The following APBB2 variants were observed in gnomAD, a reference collection of about 807,000 sequenced individuals.
APBB2 encodes amyloid beta precursor protein binding family B member 2, also known as Fe65-like 1.
APBB2 carries 38 observed loss-of-function variants against 82.5 expected under a neutral mutation model. The observed-to-expected ratio is 0.46, with a 90% confidence interval of 0.36 to 0.60. The LOEUF is 0.60. Among genes scored for constraint, APBB2 ranks in the 20% least tolerant of loss-of-function variants. The probability of loss-of-function intolerance (pLI) is 0.00; values close to 1 mark genes in which losing one functional copy is unlikely to be tolerated. For missense variants in APBB2, 772 were observed against 972.3 expected, an observed-to-expected ratio of 0.79 and a Z score of 2.74; for synonymous variants, 341 against 368.2, an observed-to-expected ratio of 0.93 and a Z score of 0.85.
At chr4:40,992,497 C>T (rs1346079377) in intron 6 of APBB2, among the ~76,000 whole-genome samples, 2 of 152,068 alleles carry the variant, frequency 1.3e-5, no homozygotes. Flanking sequence ...TTTTAGTTCG[C>T]TTCAGCAGCT....
intron 4 of APBB2, among the ~76,000 whole-genome samples, chr4:41,045,906 C>T (rs1295626706): frequency 1.3e-5 from 2 of 151,952 alleles, no homozygotes; most frequent in South Asian, 2.1e-4. Flanking sequence ...TGGTAATCTC[C>T]GGGTGACAGG....
At chr4:40,937,837 A>T (rs1375648605) in intron 7 of APBB2, among the ~76,000 whole-genome samples, 1 of 152,236 alleles carries the variant, frequency 6.6e-6, no homozygotes, top group Non-Finnish European at 1.5e-5. Flanking sequence ...AACTTTTTTA[A>T]TTAAGAAGAG....
intron 1 of APBB2, among the ~76,000 whole-genome samples, chr4:41,185,033 T>A (rs1362123608): frequency 1.3e-5 from 2 of 152,204 alleles, no homozygotes; most frequent in Middle Eastern, 3.4e-3. Flanking sequence ...TTCACTAGAG[T>A]GTAATCTTAC....
intron 6 of APBB2, among the ~76,000 whole-genome samples, chr4:40,999,074 T>G (rs1202579045): frequency 6.6e-6 from 1 of 152,222 alleles, no homozygotes; most frequent in African/African-American, 2.4e-5. Flanking sequence ...GAACAAGGAC[T>G]ACTATATTTT....
chr4:41,156,687 A>C (rs560038840), intron 1 of APBB2, among the ~76,000 whole-genome samples: 10 of 152,324 alleles, frequency 6.6e-5, no homozygotes, highest in South Asian at 4.1e-4. Context: ...TCTGAGAGAA[A>C]TGGGTTCAAA....
intron 12 of APBB2, 147 bp from the exon 13 acceptor site, chr4:40,830,724 C>A (rs1031419429): frequency 3.3e-6 from 2 of 602,886 alleles, no homozygotes. Context: ...ATTACAATAG[C>A]TTCCTAACAT....
intron 6 of APBB2, among the ~76,000 whole-genome samples, chr4:40,994,811 G>GA (rs71198624): frequency 0.22 from 24,411 of 112,598 alleles, 2,567 homozygotes; most frequent in Middle Eastern, 0.31. Flanking sequence ...CAAGACTCCG[G>GA]AAAAAAAAAA....
At chr4:40,932,565 G>T (rs1187277212) in intron 10 of APBB2, among the ~76,000 whole-genome samples, 9 of 152,164 alleles carry the variant, frequency 5.9e-5, no homozygotes. Flanking sequence ...GATGTTACTT[G>T]TAGACACAGA....
intron 3 of APBB2, among the ~76,000 whole-genome samples, chr4:41,097,348 A>G (rs1203553507): frequency 6.6e-6 from 1 of 152,222 alleles, no homozygotes; most frequent in African/African-American, 2.4e-5. Context: ...AGTAAACACC[A>G]TAAAGATTCT....
At chr4:41,074,408 C>T (rs1265159532) in intron 3 of APBB2, among the ~76,000 whole-genome samples, 3 of 151,964 alleles carry the variant, frequency 2.0e-5, no homozygotes, top group Admixed American at 6.6e-5. Flanking sequence ...CTCAGAGCAG[C>T]GACACTTCTA....
rs1184469936 is a variant in APBB2 at position 40,872,786 on chromosome 4, TA to T, written c.1529+17577del. Among the ~76,000 whole-genome samples, 943 of 143,070 alleles carry T rather than the reference TA, an allele frequency of 6.6e-3. 10 individuals are homozygous for T. The highest frequency in any genetic ancestry group is 0.016 in the African/African-American group (616 of 39,338). 93.9% of individuals were successfully genotyped at this position (143,070 alleles called of 152,430 possible). Reference sequence around the variant, plus strand: ...CTGGTTAAATTATAATGATAAAGGTTAAAAAAAAAAAAGATGGCGCCGGGTG... The same window carrying T: ...CTGGTTAAATTATAATGATAAAGGTTAAAAAAAAAAAGATGGCGCCGGGTG... On this transcript the variant is annotated intron_variant, in intron 12 of 17. Transcript: ENST00000508593.
At chr4:40,982,293 G>GAAAGAAAGAAAGAAA (rs1798917086) in intron 6 of APBB2, among the ~76,000 whole-genome samples, 2 of 32,352 alleles carry the variant, frequency 6.2e-5, no homozygotes, top group African/African-American at 3.8e-4. Flanking sequence ...AAGGAAGGAA[G>GAAAGAAAGAAAGAAA]GAAGGAAGGA....
At chr4:41,097,440 G>A (rs1743896252) in intron 3 of APBB2, among the ~76,000 whole-genome samples, 1 of 152,122 alleles carries the variant, frequency 6.6e-6, no homozygotes, top group Non-Finnish European at 1.5e-5. Flanking sequence ...CTTTCTAACT[G>A]AAAGCCAGGA....
chr4:41,057,464 A>G (rs1248003559), intron 4 of APBB2, among the ~76,000 whole-genome samples: 2 of 152,110 alleles, frequency 1.3e-5, no homozygotes, highest in Non-Finnish European at 2.9e-5. Flanking sequence ...AAACAAAAAT[A>G]AATACAATGT....
intron 2 of APBB2, among the ~76,000 whole-genome samples, chr4:41,130,950 A>G (rs1755796158): frequency 2.0e-5 from 3 of 152,100 alleles, no homozygotes; most frequent in South Asian, 2.1e-4. Flanking sequence ...GCTCCACATC[A>G]TAAGGGCCCA....
At chr4:41,085,507 A>G (rs34544918) in intron 3 of APBB2, among the ~76,000 whole-genome samples, 9,206 of 152,240 alleles carry the variant, frequency 0.06, 331 homozygotes, top group Middle Eastern at 0.13. Flanking sequence ...AATGACAATT[A>G]ATTAATCTCA....
At chr4:40,941,246 T>G (rs1786827807) in intron 7 of APBB2, among the ~76,000 whole-genome samples, 1 of 152,182 alleles carries the variant, frequency 6.6e-6, no homozygotes, top group South Asian at 2.1e-4. Flanking sequence ...TGCTCTCTTC[T>G]CATGCTTTGA....
intron 10 of APBB2, among the ~76,000 whole-genome samples, chr4:40,920,637 C>T (rs1216385267): frequency 4.6e-5 from 7 of 152,048 alleles, no homozygotes; most frequent in East Asian, 3.9e-4. Flanking sequence ...TTTGGGAGGC[C>T]GAGGCAGGTG....
intron 12 of APBB2, among the ~76,000 whole-genome samples, chr4:40,835,005 G>A (rs182424376): frequency 5.8e-4 from 88 of 152,312 alleles, no homozygotes; most frequent in African/African-American, 2.1e-3. Flanking sequence ...AAGTCCGGGC[G>A]CGGTGGCTCA....
Sources: gnomAD v4.1 joint callset for allele counts (sites outside exome capture counted in the v4.1 genomes callset) on GRCh38, gnomAD v4.1.1 for gene constraint, MANE v1.5 for transcripts, NCBI Gene and HGNC (gene_info 2026-07-23, HGNC 2026-07-21) for gene names.